Variants in MYRIP observed in about 807,000 individuals in gnomAD.
MYRIP encodes the protein myosin VIIA and Rab interacting protein.
MYRIP carries 49 observed loss-of-function variants against 98.0 expected under a neutral mutation model. The observed-to-expected ratio is 0.50, with a 90% CI of 0.40 to 0.63. The LOEUF (loss-of-function observed/expected upper bound fraction) is 0.63. Ranked by LOEUF, MYRIP falls within the 30% of genes least tolerant of loss-of-function variation. The pLI, the probability that MYRIP is intolerant of heterozygous loss-of-function variation, is 0.00. For missense variants in MYRIP, 1,004 were observed against 1,058.2 expected, an observed-to-expected ratio of 0.95 and a Z score of 0.71; for synonymous variants, 404 against 409.5, an observed-to-expected ratio of 0.99 and a Z score of 0.16.
At chr3:39,858,040 A>G (rs2125614463) in intron 1 of MYRIP, among the ~76,000 whole-genome samples, 1 of 152,330 alleles carries the variant, frequency 6.6e-6, no homozygotes, top group East Asian at 1.9e-4. Flanking sequence ...GTCCTTACCT[A>G]TGAATAATTA....
At chr3:40,246,866 C>G (rs879904058) in intron 13 of MYRIP, among the ~76,000 whole-genome samples, 3 of 152,126 alleles carry the variant, frequency 2.0e-5, no homozygotes, top group Admixed American at 1.3e-4. Flanking sequence ...GCACAATTCT[C>G]CACTCTGTGG....
chr3:39,819,081 G>C (rs2125569626), intron 1 of MYRIP, among the ~76,000 whole-genome samples: 1 of 152,262 alleles, frequency 6.6e-6, no homozygotes, highest in East Asian at 1.9e-4. Context: ...GGGCGCGGTG[G>C]CTGATGCCTG....
intron 3 of MYRIP, among the ~76,000 whole-genome samples, chr3:40,096,797 T>C (rs959873156): frequency 2.6e-5 from 4 of 152,216 alleles, no homozygotes; most frequent in African/African-American, 9.6e-5. Context: ...TCGGCATCTT[T>C]GAAATAATGA....
intron 2 of MYRIP, among the ~76,000 whole-genome samples, chr3:40,000,422 C>G (rs1054257740): frequency 6.6e-6 from 1 of 152,130 alleles, no homozygotes; most frequent in Non-Finnish European, 1.5e-5. Flanking sequence ...GGAAAGGTTC[C>G]TCCCCATGTC....
rs1455940085 is a variant in MYRIP, at chr3:40,167,244, G to T, written c.729+5G>T. 1 of 1,614,078 alleles carries T rather than the reference G, an allele frequency of 6.2e-7. No individual in the cohort carries two copies. Among genetic ancestry groups the T allele is most frequent in the East Asian group, 2.2e-5 (1 of 44,876 alleles). On this transcript the variant is annotated splice_donor_5th_base_variant and intron_variant, in intron 7 of 16. Transcript: ENST00000302541. The stretch of plus-strand genomic sequence containing the variant: ...GCCACGACAATCCTGCAGAAGGTAG[G>T]TGGGTCCTGGCAGTGGGATGGCTGC...
chr3:40,151,124 G>T lies in MYRIP; in HGVS notation c.409G>T (p.Val137Phe). The T allele has an allele frequency of 6.2e-7, 1 of 1,611,516 alleles. No homozygotes were observed. Among genetic ancestry groups the T allele is most frequent in the African/African-American group, 1.3e-5 (1 of 75,016 alleles). ...SRFKRFGSAKVLKNLYRKHRL... is the reference protein window; with the variant it reads ...SRFKRFGSAKFLKNLYRKHRL... ...CTTCAAGCGCTTTGGCAGTGCCAAG[G>T]TTCTGAAGAACCTGTACAGGAAGCA... is the stretch of plus-strand genomic sequence containing the variant. The change falls in exon 4 of 17, where the codon GTT becomes TTT. Residue 137 changes from valine to phenylalanine, a missense_variant. Coordinates refer to ENST00000302541, the MANE Select transcript of MYRIP (RefSeq NM_015460.4).
chr3:39,924,254 C>T (rs189338689), intron 2 of MYRIP, among the ~76,000 whole-genome samples: 138 of 151,840 alleles, frequency 9.1e-4, no homozygotes, highest in Non-Finnish European at 1.6e-3. Context: ...TCAAATATAA[C>T]GATATAGATA....
At chr3:39,862,920 AAAC>A (rs1415450601) in intron 1 of MYRIP, among the ~76,000 whole-genome samples, 2 of 152,340 alleles carry the variant, frequency 1.3e-5, no homozygotes, top group East Asian at 3.9e-4. Context: ...CCTTAAAAGA[AAAC>A]AACCAAAATT....
chr3:40,140,645 T>C (rs977020644), intron 3 of MYRIP, among the ~76,000 whole-genome samples: 6 of 152,240 alleles, frequency 3.9e-5, no homozygotes, highest in Non-Finnish European at 5.9e-5. Flanking sequence ...GTTTTTTTGA[T>C]AATAGACATG....
intron 2 of MYRIP, among the ~76,000 whole-genome samples, chr3:40,038,455 C>T (rs1447835914): frequency 6.6e-6 from 1 of 151,978 alleles, no homozygotes; most frequent in East Asian, 1.9e-4. Context: ...CAACCGTCAA[C>T]CTAACTAAAA....
intron 3 of MYRIP, among the ~76,000 whole-genome samples, chr3:40,096,139 G>A (rs898372410): frequency 4.6e-5 from 7 of 150,896 alleles, no homozygotes; most frequent in Admixed American, 6.6e-5. Context: ...AGGTTTTCTC[G>A]GGCCATTCTA....
intron 1 of MYRIP, among the ~76,000 whole-genome samples, chr3:39,829,698 T>TA (rs1255277651): frequency 6.6e-6 from 1 of 152,136 alleles, no homozygotes; most frequent in Non-Finnish European, 1.5e-5. Flanking sequence ...TACTTTTTTT[T>TA]ATACATAATA....
At chr3:39,974,725 G>T (rs1453955068) in intron 2 of MYRIP, among the ~76,000 whole-genome samples, 1 of 152,114 alleles carries the variant, frequency 6.6e-6, no homozygotes, top group Admixed American at 6.6e-5. Flanking sequence ...TTCATCCCTG[G>T]GATGCAAGGC....
intron 2 of MYRIP, among the ~76,000 whole-genome samples, chr3:40,003,762 G>A (rs1050054475): frequency 2.0e-5 from 3 of 152,160 alleles, no homozygotes; most frequent in African/African-American, 7.2e-5. Context: ...TGGGATGTTT[G>A]TATTCTTGCT....
chr3:39,972,619 C>T (rs1024940533), intron 2 of MYRIP, among the ~76,000 whole-genome samples: 1 of 152,040 alleles, frequency 6.6e-6, no homozygotes, highest in Admixed American at 6.6e-5. Flanking sequence ...TGAATATTCA[C>T]TCTCAGTATT....
chr3:39,898,386 A>C (rs1248119795), intron 1 of MYRIP, among the ~76,000 whole-genome samples: 1 of 152,138 alleles, frequency 6.6e-6, no homozygotes, highest in Non-Finnish European at 1.5e-5. Context: ...ATTTCTGGGG[A>C]TTGAGCTGTT....
chr3:39,852,545 C>A (rs192910170), intron 1 of MYRIP, among the ~76,000 whole-genome samples: 37 of 150,058 alleles, frequency 2.5e-4, no homozygotes, highest in African/African-American at 8.9e-4. Flanking sequence ...CCCACTCCCC[C>A]CTTCCCCCTG....
At chr3:39,926,468 T>C (rs1944423377) in intron 2 of MYRIP, among the ~76,000 whole-genome samples, 1 of 152,078 alleles carries the variant, frequency 6.6e-6, no homozygotes, top group Non-Finnish European at 1.5e-5. Flanking sequence ...ATAGTTTAGG[T>C]CTTACATTTA....
chr3:40,013,686 C>T (rs1946805811), intron 2 of MYRIP, among the ~76,000 whole-genome samples: 1 of 152,210 alleles, frequency 6.6e-6, no homozygotes, highest in Non-Finnish European at 1.5e-5. Flanking sequence ...CATAACCTCT[C>T]TGTGCCTTGG....
Sources: allele counts gnomAD v4.1 joint callset (sites outside exome capture counted in the v4.1 genomes callset), GRCh38; gene constraint gnomAD v4.1.1; transcripts MANE v1.5; gene names NCBI Gene and HGNC (gene_info 2026-07-23, HGNC 2026-07-21).